The following KIAA1671 variants were observed in gnomAD, a reference collection of about 807,000 sequenced individuals.
The protein encoded by KIAA1671 is KIAA1671, also known as uncharacterized protein KIAA1671.
Under a neutral mutation model 131.2 loss-of-function variants are expected in KIAA1671, and 52 were observed. That is an observed-to-expected ratio of 0.40 (90% CI 0.32 to 0.50). The LOEUF is 0.50. Ranked by LOEUF, KIAA1671 falls within the 20% of genes least tolerant of loss-of-function variation. The probability of loss-of-function intolerance (pLI) is 0.73; values close to 1 mark genes in which losing one functional copy is unlikely to be tolerated. For missense variants in KIAA1671, 2,360 were observed against 2,364.2 expected (o/e 1.00, Z 0.04); for synonymous variants, 1,003 against 961.6 (o/e 1.04, Z -0.80).
chr22:25,127,770 A>G (rs912593307), intron 6 of KIAA1671, among the ~76,000 whole-genome samples: 3 of 152,056 alleles, frequency 2.0e-5, no homozygotes, highest in Non-Finnish European at 4.4e-5. Context: ...TTTGTGGGGG[A>G]GATGAAAAAA....
At chr22:24,980,247 A>G (rs1923156039) in intron 1 of KIAA1671, among the ~76,000 whole-genome samples, 1 of 149,810 alleles carries the variant, frequency 6.7e-6, no homozygotes, top group Non-Finnish European at 1.5e-5. Context: ...TATCAGTTCA[A>G]GTCCCTACGT....
At chr22:25,065,728 C>T (rs1928439754) in intron 6 of KIAA1671, among the ~76,000 whole-genome samples, 2 of 151,814 alleles carry the variant, frequency 1.3e-5, no homozygotes, top group Admixed American at 6.6e-5. Context: ...CAACCTCCAC[C>T]TCCCGGATTC....
At chr22:25,078,569 C>T (rs150766061) in intron 6 of KIAA1671, among the ~76,000 whole-genome samples, 1 of 152,192 alleles carries the variant, frequency 6.6e-6, no homozygotes, top group African/African-American at 2.4e-5. Flanking sequence ...GGCTGATGGA[C>T]CACCCTGTTG....
At chr22:25,051,213 T>C (rs1602099440) in intron 6 of KIAA1671, 1 of 152,402 alleles carries the variant, frequency 6.6e-6, no homozygotes, top group African/African-American at 2.4e-5. Flanking sequence ...TTGGGACTCA[T>C]ACCTGCAATT....
At chr22:25,162,772 C>T (rs1356796674) in intron 6 of KIAA1671, among the ~76,000 whole-genome samples, 1 of 152,208 alleles carries the variant, frequency 6.6e-6, no homozygotes, top group African/African-American at 2.4e-5. Context: ...GCCATGCACA[C>T]TCATTTAGCT....
At chr22:24,969,748 G>A (rs892309565) in intron 1 of KIAA1671, among the ~76,000 whole-genome samples, 4 of 152,124 alleles carry the variant, frequency 2.6e-5, no homozygotes, top group Non-Finnish European at 5.9e-5. Context: ...ATACTGAGGC[G>A]GCTTATATTC....
chr22:25,068,211 A>C (rs116040856), intron 6 of KIAA1671, among the ~76,000 whole-genome samples: 1 of 144,626 alleles, frequency 6.9e-6, no homozygotes, highest in Non-Finnish European at 1.5e-5. Context: ...CGACTGTGCC[A>C]TCAGGGAGCA....
At chr22:24,967,817 C>A (rs922049142) in intron 1 of KIAA1671, among the ~76,000 whole-genome samples, 1 of 152,118 alleles carries the variant, frequency 6.6e-6, no homozygotes, top group African/African-American at 2.4e-5. Flanking sequence ...ACGGTGAAAC[C>A]CTGTCTCTAC....
At chr22:25,104,419 G>A (rs913186726) in intron 6 of KIAA1671, among the ~76,000 whole-genome samples, 1 of 152,222 alleles carries the variant, frequency 6.6e-6, no homozygotes, top group African/African-American at 2.4e-5. Flanking sequence ...AAAAGCCGAA[G>A]GTTGTCTTGG....
chr22:25,177,932 T>G (rs540694375), intron 9 of KIAA1671, among the ~76,000 whole-genome samples: 2 of 152,222 alleles, frequency 1.3e-5, no homozygotes, highest in African/African-American at 4.8e-5. Context: ...TGCTGACCCC[T>G]GAGCCCTGCA....
intron 6 of KIAA1671, among the ~76,000 whole-genome samples, chr22:25,108,814 G>C (rs774591588): frequency 2.6e-5 from 4 of 152,160 alleles, no homozygotes; most frequent in Non-Finnish European, 5.9e-5. Flanking sequence ...GTGTGGCTGA[G>C]TGACTGTGAC....
intron 6 of KIAA1671, chr22:25,055,799 G>T (rs898953869): frequency 7.8e-6 from 1 of 128,326 alleles, no homozygotes; most frequent in Non-Finnish European, 1.7e-5. Context: ...GATAGATATA[G>T]ATAGATATAG....
At chr22:25,067,134 G>A (rs943635017) in intron 6 of KIAA1671, among the ~76,000 whole-genome samples, 7 of 152,070 alleles carry the variant, frequency 4.6e-5, no homozygotes, top group East Asian at 1.9e-4. Context: ...GCCCTGGTGC[G>A]TCTGACCACC....
At chr22:25,047,027 G>A (rs1056293406) in intron 5 of KIAA1671, among the ~76,000 whole-genome samples, 1 of 149,344 alleles carries the variant, frequency 6.7e-6, no homozygotes, top group African/African-American at 2.5e-5. Flanking sequence ...CTGGAGTGTA[G>A]TAGTGAGATC....
Position 25,093,822 on chromosome 22 carries a change from CTTTCTCTCTCTGTCTG to C in KIAA1671, c.4530+44460_4530+44475del, listed in dbSNP as rs1568951513. ...TCTCTCTCTCTCTCTGTCTCTCTCT[CTTTCTCTCTCTGTCTG>C]TCTCTCTCTCTCTCTCTCTCTCTCT... On this transcript the variant is annotated intron_variant, in intron 6 of 12. Transcript: ENST00000358431. Among the ~76,000 whole-genome samples, 381 of 76,816 alleles carry C rather than the reference CTTTCTCTCTCTGTCTG, an allele frequency of 5.0e-3. 58 individuals carry two copies. The highest frequency in any genetic ancestry group is 5.9e-3 in the Middle Eastern group (1 of 170). The allele number at this position is 76,816 out of a possible 152,430, so 50.4% of individuals were successfully genotyped here. A position where few individuals can be genotyped will look rare whatever the true frequency, so the allele number is the denominator to read the frequency against.
intron 6 of KIAA1671, among the ~76,000 whole-genome samples, chr22:25,164,414 T>G (rs896966675): frequency 6.6e-6 from 1 of 152,308 alleles, no homozygotes; most frequent in South Asian, 2.1e-4. Flanking sequence ...ATTACAGTAT[T>G]CAGTCAACCT....
intron 6 of KIAA1671, among the ~76,000 whole-genome samples, chr22:25,133,358 A>G (rs1310451366): frequency 1.3e-5 from 2 of 152,210 alleles, no homozygotes. Context: ...GGAAGGTTTC[A>G]GTAGCATGTG....
At chr22:24,972,730 A>G (rs1922690793) in intron 1 of KIAA1671, among the ~76,000 whole-genome samples, 1 of 151,996 alleles carries the variant, frequency 6.6e-6, no homozygotes, top group Non-Finnish European at 1.5e-5. Flanking sequence ...TTTGTTAAGT[A>G]CCTACTCTGT....
chr22:25,041,353 C>T lies in KIAA1671; in HGVS notation c.4223C>T (p.Ala1408Val). 4 of 1,551,618 alleles carry T rather than the reference C, an allele frequency of 2.6e-6. No homozygotes were observed. Among genetic ancestry groups the T allele is most frequent in the Non-Finnish European group, 2.6e-6 (3 of 1,146,974 alleles). The change falls in exon 5 of 13, where the codon GCC becomes GTC. Residue 1408 changes from alanine to valine, a missense_variant. Ala to Val is a moderately conservative substitution (Grantham distance 64). Around this residue, in one of 3 missense-constraint regions of KIAA1671, gnomAD observed 1,161 missense variants for 1,204.7 expected, o/e 0.96. Coordinates refer to ENST00000358431, the MANE Select transcript of KIAA1671 (RefSeq NM_001145206.2). ...CGGGTGCCGCTGGATATCAAGAGGGCCTACTCAGAGAAGGGGCCCCCTGCC... is the reference window on the plus strand; with the variant it reads ...CGGGTGCCGCTGGATATCAAGAGGGTCTACTCAGAGAAGGGGCCCCCTGCC... ...CGRVPLDIKR[A>V]YSEKGPPANI... is the part of the protein sequence containing the mutation.
Sources: allele counts gnomAD v4.1 joint callset (sites outside exome capture counted in the v4.1 genomes callset), GRCh38; gene constraint gnomAD v4.1.1; regional missense constraint gnomAD v4.1.1; transcripts MANE v1.5; gene names NCBI Gene and HGNC (gene_info 2026-07-23, HGNC 2026-07-21).